Variants in DPP6 observed in about 807,000 individuals in gnomAD.
The protein encoded by DPP6 is A-type potassium channel modulatory protein DPP6.
Under a neutral mutation model 122.6 loss-of-function variants are expected in DPP6, and 69 were observed. That is an observed-to-expected ratio of 0.56 (90% CI 0.46 to 0.69). The LOEUF (loss-of-function observed/expected upper bound fraction) is 0.69, where lower values mean the gene tolerates loss of function less well. Among genes scored for constraint, DPP6 ranks in the 30% least tolerant of loss-of-function variants. The probability of loss-of-function intolerance (pLI) is 0.00; values close to 1 mark genes in which losing one functional copy is unlikely to be tolerated. For missense variants in DPP6, 928 were observed against 1,116.9 expected, an observed-to-expected ratio of 0.83 and a Z score of 2.41; for synonymous variants, 418 against 433.1, an observed-to-expected ratio of 0.97 and a Z score of 0.43.
intron 1 of DPP6, among the ~76,000 whole-genome samples, chr7:154,136,235 C>T (rs565590615): frequency 7.2e-5 from 11 of 152,194 alleles, no homozygotes; most frequent in South Asian, 2.1e-4. Context: ...TAATGACAGT[C>T]GACTCCAAGA....
chr7:154,015,225 C>G (rs1798345782), intron 1 of DPP6, among the ~76,000 whole-genome samples: 1 of 151,968 alleles, frequency 6.6e-6, no homozygotes, highest in Non-Finnish European at 1.5e-5. Context: ...TCGAAACACT[C>G]TCTTCTGATT....
chr7:154,338,050 C>T (rs1370299078), intron 1 of DPP6, among the ~76,000 whole-genome samples: 5 of 152,202 alleles, frequency 3.3e-5, no homozygotes, highest in Admixed American at 2.6e-4. Context: ...ATTGTTTTCA[C>T]GTGGCATTTC....
chr7:154,599,382 C>T (rs1443708014), intron 5 of DPP6, among the ~76,000 whole-genome samples: 1 of 152,108 alleles, frequency 6.6e-6, no homozygotes. Context: ...AGATATTATC[C>T]TCACTTTTTA....
chr7:154,565,414 C>T (rs772241987), intron 4 of DPP6, among the ~76,000 whole-genome samples: 6 of 152,160 alleles, frequency 3.9e-5, no homozygotes, highest in South Asian at 2.1e-4. Flanking sequence ...TGTGATATTA[C>T]GAGCCCTTTA....
At chr7:154,387,499 G>T (rs1176587017) in intron 1 of DPP6, among the ~76,000 whole-genome samples, 1 of 152,246 alleles carries the variant, frequency 6.6e-6, no homozygotes, top group Non-Finnish European at 1.5e-5. Flanking sequence ...AGCCCAGCAG[G>T]TGGGTGGGCC....
intron 3 of DPP6, among the ~76,000 whole-genome samples, chr7:154,505,505 G>T (rs1283571981): frequency 6.6e-6 from 1 of 152,154 alleles, no homozygotes; most frequent in Non-Finnish European, 1.5e-5. Flanking sequence ...ATCTCTTTCA[G>T]TTCCTCTTGC....
At chr7:154,499,280 AG>A (rs1002131436) in intron 3 of DPP6, among the ~76,000 whole-genome samples, 1 of 152,160 alleles carries the variant, frequency 6.6e-6, no homozygotes, top group Non-Finnish European at 1.5e-5. Flanking sequence ...ATACAAAAGG[AG>A]GGCCCCCCTG....
chr7:154,242,620 A>G (rs116528783), intron 1 of DPP6, among the ~76,000 whole-genome samples: 2 of 152,212 alleles, frequency 1.3e-5, no homozygotes, highest in African/African-American at 2.4e-5. Flanking sequence ...GGTGAGGCTC[A>G]GTTTGCCCCA....
At chr7:154,593,640 C>T (rs899293070) in intron 5 of DPP6, among the ~76,000 whole-genome samples, 3 of 152,238 alleles carry the variant, frequency 2.0e-5, no homozygotes, top group Non-Finnish European at 4.4e-5. Context: ...GAAGAACGGG[C>T]TGCAGCCCCG....
chr7:154,447,754 A>G (rs755895995), intron 2 of DPP6, among the ~76,000 whole-genome samples: 2 of 152,258 alleles, frequency 1.3e-5, no homozygotes, highest in African/African-American at 2.4e-5. Context: ...TCCAGGAAAA[A>G]CAAATTGGCT....
At chr7:154,554,952 C>T (rs1829908539) in intron 4 of DPP6, among the ~76,000 whole-genome samples, 1 of 152,136 alleles carries the variant, frequency 6.6e-6, no homozygotes, top group Non-Finnish European at 1.5e-5. Context: ...TAAAGTTTAT[C>T]AACAGCTCCT....
At chr7:154,616,969 T>A (rs1834301873) in intron 5 of DPP6, among the ~76,000 whole-genome samples, 1 of 152,190 alleles carries the variant, frequency 6.6e-6, no homozygotes, top group Non-Finnish European at 1.5e-5. Context: ...TTCCAAAGAA[T>A]CTCCACGTGT....
chr7:154,869,476 G>C (rs1202933805), intron 18 of DPP6, among the ~76,000 whole-genome samples: 2 of 152,280 alleles, frequency 1.3e-5, no homozygotes, highest in African/African-American at 4.8e-5. Flanking sequence ...CGTGGGACTT[G>C]AACATGGTCC....
chr7:154,182,643 A>G (rs1428285520), intron 1 of DPP6, among the ~76,000 whole-genome samples: 25 of 152,144 alleles, frequency 1.6e-4, no homozygotes, highest in Admixed American at 1.6e-3. Flanking sequence ...CAGAAAAGCC[A>G]GCAGCCTTTC....
At chr7:154,567,256 G>T (rs1254608610) in intron 5 of DPP6, among the ~76,000 whole-genome samples, 1 of 152,106 alleles carries the variant, frequency 6.6e-6, no homozygotes, top group African/African-American at 2.4e-5. Context: ...TTTATCCTAA[G>T]AACAAAAAGC....
At chr7:154,279,089 G>GA (rs1314415135) in intron 1 of DPP6, among the ~76,000 whole-genome samples, 28 of 150,976 alleles carry the variant, frequency 1.9e-4, no homozygotes, top group African/African-American at 6.8e-4. Flanking sequence ...TGTGTGTGGG[G>GA]ATGCATGTGT....
chr7:154,469,253 C>T (rs1822054513), intron 2 of DPP6, among the ~76,000 whole-genome samples: 1 of 152,174 alleles, frequency 6.6e-6, no homozygotes, highest in South Asian at 2.1e-4. Context: ...TTTCTTGTAG[C>T]TCCTCTAGCA....
At chr7:154,259,543 G>T (rs1305645164) in intron 1 of DPP6, among the ~76,000 whole-genome samples, 2 of 152,178 alleles carry the variant, frequency 1.3e-5, no homozygotes, top group African/African-American at 4.8e-5. Context: ...AGAGGAAGAG[G>T]TAGAGGACAG....
In DPP6 at chr7:154,711,883, T is replaced by C. The variant is rs538876482; in HGVS notation, c.763-15884T>C. Among the ~76,000 whole-genome samples, 4 of 151,926 alleles carry C rather than the reference T, an allele frequency of 2.6e-5. No homozygotes were observed. The East Asian group carries it at 7.7e-4, about 29-fold the overall frequency. On this transcript the variant is annotated intron_variant, in intron 7 of 25. Coordinates refer to ENST00000377770, the MANE Select transcript of DPP6 (RefSeq NM_130797.4). The stretch of plus-strand genomic sequence containing the variant: ...TGGGAACATGCAGATTGTGCTTTTA[T>C]TGTAATTTACTTTGAATTGGTTTAA...
Sources: allele counts gnomAD v4.1 joint callset (sites outside exome capture counted in the v4.1 genomes callset), GRCh38; gene constraint gnomAD v4.1.1; transcripts MANE v1.5; gene names NCBI Gene and HGNC (gene_info 2026-07-23, HGNC 2026-07-21).